Variants in LRRC4C observed in about 807,000 individuals in gnomAD.
LRRC4C encodes the protein leucine rich repeat containing 4C, also known as leucine-rich repeat-containing protein 4C.
A neutral mutation model predicts 33.6 loss-of-function variants in LRRC4C; 5 were observed. That is an observed-to-expected ratio of 0.15 (90% confidence interval 0.08 to 0.31). The LOEUF is 0.31. LRRC4C is among the 10% of genes least tolerant of loss of function. The pLI, the probability that LRRC4C is intolerant of heterozygous loss-of-function variation, is 1.00. For missense variants in LRRC4C, 560 were observed against 796.7 expected, an observed-to-expected ratio of 0.70 and a Z score of 3.58; for synonymous variants, 329 against 302.0, an observed-to-expected ratio of 1.09 and a Z score of -0.93.
chr11:40,696,725 C>T (rs1225356173), intron 2 of LRRC4C, among the ~76,000 whole-genome samples: 1 of 128,984 alleles, frequency 7.8e-6, no homozygotes, highest in Admixed American at 8.0e-5. Flanking sequence ...GAAAAATTGT[C>T]TCTGTGCATA....
intron 1 of LRRC4C, among the ~76,000 whole-genome samples, chr11:41,350,286 G>A (rs998595946): frequency 1.3e-5 from 2 of 152,016 alleles, no homozygotes; most frequent in Admixed American, 6.6e-5. Flanking sequence ...CGAGGTGGGC[G>A]GATCATGAGG....
At chr11:41,025,618 A>T (rs1373897559) in intron 1 of LRRC4C, among the ~76,000 whole-genome samples, 2 of 151,876 alleles carry the variant, frequency 1.3e-5, no homozygotes, top group African/African-American at 4.8e-5. Flanking sequence ...ATAAAATAAA[A>T]GTGCAAGGTG....
chr11:41,226,898 G>A (rs1363688625), intron 1 of LRRC4C, among the ~76,000 whole-genome samples: 2 of 151,936 alleles, frequency 1.3e-5, no homozygotes, highest in South Asian at 4.1e-4. Context: ...CTATAAATAC[G>A]TACATGATTT....
Position 41,075,060 on chromosome 11 carries a change from T to A in LRRC4C, c.-495-141337A>T, listed in dbSNP as rs12577057. On this transcript the variant is annotated intron_variant, in intron 1 of 6. Transcript: ENST00000528697. ...TTATTTTTAATGTTTTTTTTTTTTTTTTATTATACTCTAAGTTTTAGGGTA... is the reference window on the plus strand; with the variant it reads ...TTATTTTTAATGTTTTTTTTTTTTTATTATTATACTCTAAGTTTTAGGGTA... Among the ~76,000 whole-genome samples the A allele has an allele frequency of 6.4e-3, 512 of 80,432 alleles. 8 individuals carry two copies. Among genetic ancestry groups the A allele is most frequent in the East Asian group, 0.026 (79 of 3,046 alleles). 52.8% of individuals were successfully genotyped at this position (80,432 alleles called of 152,430 possible). A position where few individuals can be genotyped will look rare whatever the true frequency, so the allele number is the denominator to read the frequency against.
At chr11:40,179,645 G>C (rs1020318330) in intron 5 of LRRC4C, among the ~76,000 whole-genome samples, 4 of 152,144 alleles carry the variant, frequency 2.6e-5, no homozygotes, top group African/African-American at 9.7e-5. Flanking sequence ...ACAGAGATCA[G>C]GACCCCCGCA....
At chr11:40,501,205 GC>G (rs1247945787) in intron 3 of LRRC4C, among the ~76,000 whole-genome samples, 6 of 152,076 alleles carry the variant, frequency 3.9e-5, no homozygotes, top group Admixed American at 6.6e-5. Context: ...GCAGGATAAA[GC>G]CCCCCACCTG....
At chr11:41,357,040 C>T (rs755606949) in intron 1 of LRRC4C, among the ~76,000 whole-genome samples, 22 of 151,270 alleles carry the variant, frequency 1.5e-4, no homozygotes, top group Non-Finnish European at 2.7e-4. Flanking sequence ...CTTGTTTAAC[C>T]CAGAAATTAA....
intron 2 of LRRC4C, among the ~76,000 whole-genome samples, chr11:40,831,118 T>C (rs1952393266): frequency 6.6e-6 from 1 of 152,132 alleles, no homozygotes; most frequent in Non-Finnish European, 1.5e-5. Flanking sequence ...GGGGCATAAT[T>C]CAACAAGCTT....
intron 2 of LRRC4C, among the ~76,000 whole-genome samples, chr11:40,873,639 A>T (rs1217243865): frequency 2.0e-5 from 3 of 152,142 alleles, no homozygotes; most frequent in South Asian, 2.1e-4. Context: ...CTTAATTTCC[A>T]GAATATTGAT....
chr11:41,241,546 G>A (rs925945452), intron 1 of LRRC4C, among the ~76,000 whole-genome samples: 14 of 152,144 alleles, frequency 9.2e-5, no homozygotes, highest in Non-Finnish European at 1.5e-4. Flanking sequence ...AAAAAATGAC[G>A]GCAGAAAGCA....
chr11:40,692,422 A>C (rs150458506), intron 2 of LRRC4C, among the ~76,000 whole-genome samples: 1 of 152,158 alleles, frequency 6.6e-6, no homozygotes, highest in East Asian at 1.9e-4. Context: ...TATTATTTTG[A>C]AAAGTAGACC....
intron 2 of LRRC4C, among the ~76,000 whole-genome samples, chr11:40,691,412 A>T (rs185257618): frequency 3.0e-4 from 46 of 152,194 alleles, no homozygotes; most frequent in Admixed American, 3.0e-3. Flanking sequence ...AGGAGATGGG[A>T]ATCAGCATAT....
intron 2 of LRRC4C, among the ~76,000 whole-genome samples, chr11:40,923,160 C>T (rs929702629): frequency 6.6e-6 from 1 of 152,250 alleles, no homozygotes; most frequent in Admixed American, 6.5e-5. Context: ...AATTAGAAAA[C>T]ATTGTTACAT....
At chr11:40,627,942 G>A (rs1490927695) in intron 3 of LRRC4C, among the ~76,000 whole-genome samples, 1 of 152,044 alleles carries the variant, frequency 6.6e-6, no homozygotes, top group Non-Finnish European at 1.5e-5. Flanking sequence ...GAGCAATTTG[G>A]CACCCTACCG....
At chr11:40,567,748 C>T (rs1957824125) in intron 3 of LRRC4C, among the ~76,000 whole-genome samples, 1 of 152,316 alleles carries the variant, frequency 6.6e-6, no homozygotes, top group Admixed American at 6.5e-5. Flanking sequence ...AGACATAAGA[C>T]TTGCCCTGAA....
At chr11:40,146,175 T>C (rs1028535463) in intron 5 of LRRC4C, among the ~76,000 whole-genome samples, 3 of 152,182 alleles carry the variant, frequency 2.0e-5, no homozygotes, top group African/African-American at 7.2e-5. Context: ...TGATGAAGGA[T>C]GGATCAGGAC....
intron 1 of LRRC4C, among the ~76,000 whole-genome samples, chr11:41,340,961 C>A (rs140375540): frequency 1.3e-5 from 2 of 152,284 alleles, no homozygotes; most frequent in African/African-American, 4.8e-5. Flanking sequence ...GCTGTGATTG[C>A]GTCTGCCTCT....
intron 4 of LRRC4C, among the ~76,000 whole-genome samples, chr11:40,312,047 T>C (rs1229053094): frequency 6.6e-6 from 1 of 152,108 alleles, no homozygotes; most frequent in Non-Finnish European, 1.5e-5. Flanking sequence ...TTCACTTATG[T>C]CTTGTTATTT....
chr11:40,832,555 A>T (rs1379116156), intron 2 of LRRC4C, among the ~76,000 whole-genome samples: 2 of 152,230 alleles, frequency 1.3e-5, no homozygotes, highest in East Asian at 1.9e-4. Context: ...TGCCTTGAGG[A>T]CACCTACTTC....
Sources: allele counts gnomAD v4.1 joint callset (sites outside exome capture counted in the v4.1 genomes callset), GRCh38; gene constraint gnomAD v4.1.1; transcripts MANE v1.5; gene names NCBI Gene and HGNC (gene_info 2026-07-23, HGNC 2026-07-21).